CFAP61: variants seen among roughly 807,000 people sequenced by gnomAD.
CFAP61 encodes cilia and flagella associated protein 61.
CFAP61 carries 107 observed loss-of-function variants against 135.6 expected under a neutral mutation model. The observed-to-expected ratio is 0.79, with a 90% CI of 0.67 to 0.93. The LOEUF is 0.93. Among genes scored for constraint, CFAP61 ranks in the 40% least tolerant of loss-of-function variants. CFAP61 has a pLI of 0.00. For synonymous variants in CFAP61, 575 were observed against 578.5 expected, an observed-to-expected ratio of 0.99 and a Z score of 0.09; for missense variants, 1,507 against 1,556.2, an observed-to-expected ratio of 0.97 and a Z score of 0.53.
At chr20:20,316,574 A>G (rs909493988) in intron 25 of CFAP61, among the ~76,000 whole-genome samples, 2 of 151,274 alleles carry the variant, frequency 1.3e-5, no homozygotes, top group Non-Finnish European at 1.5e-5. Flanking sequence ...TTCCAACACT[A>G]TGTTGAATAG....
At chr20:20,137,152 G>A (rs2050993559) in intron 8 of CFAP61, among the ~76,000 whole-genome samples, 2 of 152,110 alleles carry the variant, frequency 1.3e-5, no homozygotes, top group Admixed American at 1.3e-4. Flanking sequence ...CTGGGGGAGG[G>A]GTGACACAAA....
intron 8 of CFAP61, among the ~76,000 whole-genome samples, chr20:20,125,748 AG>A (rs1326595504): frequency 6.6e-6 from 1 of 151,874 alleles, no homozygotes; most frequent in Non-Finnish European, 1.5e-5. Flanking sequence ...TCTAAGATAT[AG>A]GTTAAATCCA....
At chr20:20,128,467 G>T (rs1223992505) in intron 8 of CFAP61, among the ~76,000 whole-genome samples, 1 of 151,706 alleles carries the variant, frequency 6.6e-6, no homozygotes, top group Non-Finnish European at 1.5e-5. Flanking sequence ...TCTGCAGTGG[G>T]GGTATGTATT....
chr20:20,280,333 C>A (rs1401861833), intron 22 of CFAP61, among the ~76,000 whole-genome samples: 2 of 152,270 alleles, frequency 1.3e-5, no homozygotes, highest in South Asian at 2.1e-4. Flanking sequence ...AAGCCTTCTT[C>A]CCTAGAGCCT....
Position 20,098,700 on chromosome 20 carries a change from A to G in CFAP61, c.745A>G (p.Asn249Asp), listed in dbSNP as rs756328440. Residue 249 changes from asparagine to aspartate, a missense_variant, in exon 8 of 27, where the codon AAC (asparagine) becomes GAC (aspartate). Coordinates refer to ENST00000245957, the MANE Select transcript of CFAP61 (RefSeq NM_015585.4). ...VGFMSVCSRV[N>D]MQLLHECFDL... ...GTTCATGAGTGTGTGCTCAAGAGTG[A>G]ACATGCAACTGCTGCATGAGTGCTT... is the stretch of plus-strand genomic sequence containing the variant. 6.2e-7 allele frequency: 1 copy of G among 1,613,582 alleles called. No individual in the cohort carries two copies. The highest frequency in any genetic ancestry group is 1.7e-5 in the Admixed American group (1 of 59,960).
At chr20:20,259,300 C>G (rs1407923099) in intron 20 of CFAP61, among the ~76,000 whole-genome samples, 2 of 122,496 alleles carry the variant, frequency 1.6e-5, no homozygotes. Flanking sequence ...GTCACCCAGG[C>G]TGGAGTGCAG....
At chr20:20,226,424 C>T (rs1381759772) in intron 17 of CFAP61, among the ~76,000 whole-genome samples, 1 of 152,236 alleles carries the variant, frequency 6.6e-6, no homozygotes, top group Non-Finnish European at 1.5e-5. Flanking sequence ...TTCCAGCTGA[C>T]CTAGAATTGC....
At chr20:20,113,887 G>GTAAGTCT in intron 8 of CFAP61, among the ~76,000 whole-genome samples, 1 of 146,284 alleles carries the variant, frequency 6.8e-6, no homozygotes. Context: ...TACTGGCAGA[G>GTAAGTCT]TAAGTCTTTC....
At chr20:20,070,670 C>T (rs1242884453) in intron 2 of CFAP61, among the ~76,000 whole-genome samples, 184 bp from the exon 3 acceptor site, 1 of 152,124 alleles carries the variant, frequency 6.6e-6, no homozygotes, top group Non-Finnish European at 1.5e-5. Flanking sequence ...GTTTAGTTGA[C>T]AGCACCACTT....
rs1568905378 is a variant in CFAP61, at chr20:20,101,586, CAT to C, written c.859+2773_859+2774del. On this transcript the variant is annotated intron_variant, in intron 8 of 26. Transcript: ENST00000245957. Reference sequence around the variant, plus strand: ...AATGACGGGTCTGCTACACAAGATACATGATGAGTTTTTTCACTTTATTTTTA... The same window carrying C: ...AATGACGGGTCTGCTACACAAGATACGATGAGTTTTTTCACTTTATTTTTA... Among the ~76,000 whole-genome samples the C allele has an allele frequency of 2.6e-5, 4 of 152,000 alleles. No homozygotes were observed. The East Asian group carries it at 7.8e-4, about 29-fold the overall frequency.
intron 2 of CFAP61, among the ~76,000 whole-genome samples, chr20:20,058,692 A>G (rs1226053053): frequency 1.3e-5 from 2 of 152,266 alleles, no homozygotes; most frequent in Non-Finnish European, 2.9e-5. Flanking sequence ...TTTGAGATCC[A>G]TGTTAATTAT....
intron 20 of CFAP61, among the ~76,000 whole-genome samples, chr20:20,259,114 C>T (rs2051925865): frequency 6.6e-6 from 1 of 152,102 alleles, no homozygotes; most frequent in African/African-American, 2.4e-5. Context: ...TTTACAGCTA[C>T]AGTCAAATAA....
rs1601249315 is a variant in CFAP61 at position 20,184,152 on chromosome 20, T to C, written c.1386-3778T>C. ...ATATGGTCTGAGCTTCAAGCCTTGC[T>C]GGGGGAAGATGTCCACTTATTCTCA... On this transcript the variant is annotated intron_variant, in intron 13 of 26. Coordinates refer to ENST00000245957, the MANE Select transcript of CFAP61 (RefSeq NM_015585.4). Among the ~76,000 whole-genome samples the C allele has an allele frequency of 2.0e-5, 3 of 152,342 alleles. No homozygotes were observed. The Middle Eastern group carries it at 0.01, about 518-fold the overall frequency.
intron 25 of CFAP61, chr20:20,323,003 C>A: frequency 1.0e-6 from 1 of 985,404 alleles, no homozygotes; most frequent in Non-Finnish European, 1.2e-6. Flanking sequence ...TCAATAATGT[C>A]AGATGGCCCT....
intron 26 of CFAP61, among the ~76,000 whole-genome samples, chr20:20,347,013 C>T (rs2058659729): frequency 6.6e-6 from 1 of 152,162 alleles, no homozygotes; most frequent in Non-Finnish European, 1.5e-5. Flanking sequence ...GGCCACAAAA[C>T]AAGTGTCAAT....
intron 8 of CFAP61, among the ~76,000 whole-genome samples, chr20:20,125,433 T>G (rs919878335): frequency 6.6e-6 from 1 of 151,712 alleles, no homozygotes; most frequent in African/African-American, 2.4e-5. Context: ...TGTCTTTCAG[T>G]TCAAAGAATT....
chr20:20,057,840 C>G (rs1413519242), intron 2 of CFAP61, among the ~76,000 whole-genome samples: 2 of 152,148 alleles, frequency 1.3e-5, no homozygotes, highest in African/African-American at 4.8e-5. Context: ...GCCTCAGCCT[C>G]CAGAGTAGCT....
chr20:20,346,804 C>T (rs1192119908), intron 26 of CFAP61, among the ~76,000 whole-genome samples: 1 of 152,142 alleles, frequency 6.6e-6, no homozygotes, highest in Non-Finnish European at 1.5e-5. Context: ...AGTTCTAAAA[C>T]AATAATGCAG....
intron 22 of CFAP61, among the ~76,000 whole-genome samples, chr20:20,281,145 T>C (rs2054172376): frequency 6.6e-6 from 1 of 152,224 alleles, no homozygotes; most frequent in South Asian, 2.1e-4. Context: ...AATTCTCTTA[T>C]TAGCTTTTGT....
Sources: gnomAD v4.1 joint callset for allele counts (sites outside exome capture counted in the v4.1 genomes callset) on GRCh38, gnomAD v4.1.1 for gene constraint, MANE v1.5 for transcripts, NCBI Gene and HGNC (gene_info 2026-07-23, HGNC 2026-07-21) for gene names.